The following SAMD4A variants were observed in gnomAD, a reference collection of about 807,000 sequenced individuals.
The protein encoded by SAMD4A is sterile alpha motif domain containing 4A.
SAMD4A carries 33 observed loss-of-function variants against 81.3 expected under a neutral mutation model. The observed-to-expected ratio is 0.41, with a 90% confidence interval of 0.31 to 0.54. The LOEUF (loss-of-function observed/expected upper bound fraction) is 0.54. SAMD4A is among the 20% of genes least tolerant of loss of function. The pLI is 0.37. For synonymous variants in SAMD4A, 389 were observed against 382.1 expected (o/e 1.02, Z -0.21); for missense variants, 854 against 951.1 (o/e 0.90, Z 1.34).
At chr14:54,774,060 C>G (rs969636908) in intron 9 of SAMD4A, among the ~76,000 whole-genome samples, 1 of 152,232 alleles carries the variant, frequency 6.6e-6, no homozygotes. Context: ...TGTGGCCTCT[C>G]AAAAGCATGT....
intron 2 of SAMD4A, among the ~76,000 whole-genome samples, chr14:54,683,950 GTT>G (rs558986847): frequency 1.1e-4 from 16 of 152,260 alleles, no homozygotes; most frequent in East Asian, 5.8e-4. Context: ...ATAGAAAAGA[GTT>G]TTCCAAAGTC....
intron 2 of SAMD4A, among the ~76,000 whole-genome samples, chr14:54,640,947 T>C (rs1300509130): frequency 6.6e-6 from 1 of 152,220 alleles, no homozygotes; most frequent in Non-Finnish European, 1.5e-5. Flanking sequence ...AGTTCACAGG[T>C]TTCTTCTCAG....
intron 3 of SAMD4A, among the ~76,000 whole-genome samples, chr14:54,712,525 G>A (rs28707162): frequency 0.26 from 38,801 of 151,940 alleles, 7,525 homozygotes; most frequent in African/African-American, 0.55. Context: ...ACATGACTCA[G>A]TGATATCTCA....
chr14:54,786,157 C>T (rs574570017), intron 12 of SAMD4A, among the ~76,000 whole-genome samples: 1 of 152,296 alleles, frequency 6.6e-6, no homozygotes, highest in Non-Finnish European at 1.5e-5. Flanking sequence ...GAGCATTCAG[C>T]CTTTAAAAAG....
intron 2 of SAMD4A, among the ~76,000 whole-genome samples, chr14:54,634,256 A>G (rs528693720): frequency 1.8e-5 from 2 of 112,338 alleles, no homozygotes; most frequent in East Asian, 6.3e-4. Context: ...GCTGCACTCC[A>G]GCCCGGGCGA....
chr14:54,572,109 T>C (rs1182840362), intron 2 of SAMD4A, among the ~76,000 whole-genome samples: 2 of 152,206 alleles, frequency 1.3e-5, no homozygotes, highest in African/African-American at 4.8e-5. Flanking sequence ...TGTTATGCAA[T>C]GGAAATGTAA....
At chr14:54,643,666 AG>A (rs2035222799) in intron 2 of SAMD4A, among the ~76,000 whole-genome samples, 1 of 152,266 alleles carries the variant, frequency 6.6e-6, no homozygotes, top group Non-Finnish European at 1.5e-5. Flanking sequence ...AAGACACTCA[AG>A]AAAAATGTGT....
chr14:54,781,854 T>C (rs2039006823), intron 11 of SAMD4A, among the ~76,000 whole-genome samples: 1 of 152,254 alleles, frequency 6.6e-6, no homozygotes. Context: ...AACTGGTCTT[T>C]CTGTCTTATA....
At chr14:54,621,827 TGTAA>T (rs2034624862) in intron 2 of SAMD4A, among the ~76,000 whole-genome samples, 1 of 152,228 alleles carries the variant, frequency 6.6e-6, no homozygotes, top group Admixed American at 6.5e-5. Context: ...CTTCTGGTTT[TGTAA>T]GTGTGTCCAA....
intron 6 of SAMD4A, among the ~76,000 whole-genome samples, chr14:54,755,505 T>C: frequency 6.6e-6 from 1 of 152,024 alleles, no homozygotes; most frequent in East Asian, 1.9e-4. Context: ...GGCTGAACAA[T>C]AACACAGGCT....
At chr14:54,636,574 A>G (rs999536942) in intron 2 of SAMD4A, among the ~76,000 whole-genome samples, 1 of 152,208 alleles carries the variant, frequency 6.6e-6, no homozygotes, top group African/African-American at 2.4e-5. Flanking sequence ...GAAGGCTGGT[A>G]GAGTAAGAGA....
intron 4 of SAMD4A, among the ~76,000 whole-genome samples, chr14:54,748,456 A>T (rs140718468): frequency 6.6e-6 from 1 of 152,310 alleles, no homozygotes; most frequent in African/African-American, 2.4e-5. Flanking sequence ...TTTGGTCATG[A>T]ACCCCTTTGG....
intron 3 of SAMD4A, among the ~76,000 whole-genome samples, chr14:54,727,166 CTTTTTTTTTTTTTTTTTTTTTTTTTTTTT>C (rs567831973): frequency 1.0e-4 from 6 of 59,184 alleles, no homozygotes; most frequent in East Asian, 6.3e-4. Context: ...TCTTTTTTTC[CTTTTTTTTTTTTTTTTTTTTTTTTTTTTT>C]TTTTTTTTTT....
At chr14:54,735,783 GAAATA>G in intron 3 of SAMD4A, among the ~76,000 whole-genome samples, 1 of 152,226 alleles carries the variant, frequency 6.6e-6, no homozygotes, top group South Asian at 2.1e-4. Context: ...TGCTCTACCA[GAAATA>G]TGGTTTAACC....
intron 2 of SAMD4A, among the ~76,000 whole-genome samples, chr14:54,627,438 C>T (rs1238184700): frequency 6.6e-6 from 1 of 152,212 alleles, no homozygotes. Context: ...GATGATCTAG[C>T]TCCTGAATAT....
chr14:54,759,859 G>A (rs2038343349), intron 6 of SAMD4A, among the ~76,000 whole-genome samples: 1 of 152,212 alleles, frequency 6.6e-6, no homozygotes. Context: ...GCATTTTACA[G>A]AAATGCACAG....
intron 3 of SAMD4A, among the ~76,000 whole-genome samples, chr14:54,729,362 G>A (rs1316602676): frequency 2.6e-5 from 4 of 152,194 alleles, no homozygotes; most frequent in Non-Finnish European, 4.4e-5. Context: ...TAAGAAAAGG[G>A]TAGGAGGCAA....
In SAMD4A at chr14:54,594,603, G is replaced by A. The variant is rs192440452; in HGVS notation, c.196+26491G>A. On this transcript the variant is annotated intron_variant, in intron 2 of 12. Transcript: ENST00000554335. ...AGTGGAAGGGAAAGCTTAAGAAAAG[G>A]GAGGTGTAAAAGCCCAAATTTTTAT... is the stretch of plus-strand genomic sequence containing the variant. 2.0e-5 allele frequency among the ~76,000 whole-genome samples: 3 copies of A among 152,244 alleles called. No homozygotes were observed. The East Asian group carries it at 5.8e-4, about 29-fold the overall frequency.
At chr14:54,674,016 C>T (rs10139630) in intron 2 of SAMD4A, among the ~76,000 whole-genome samples, 27,746 of 152,052 alleles carry the variant, frequency 0.18, 3,406 homozygotes, top group East Asian at 0.38. Context: ...AGAATTAAGT[C>T]GGGGGAGTGA....
Sources: gnomAD v4.1 joint callset for allele counts (sites outside exome capture counted in the v4.1 genomes callset) on GRCh38, gnomAD v4.1.1 for gene constraint, MANE v1.5 for transcripts, NCBI Gene and HGNC (gene_info 2026-07-23, HGNC 2026-07-21) for gene names.